The following COL6A6 variants were observed in gnomAD, a reference collection of about 807,000 sequenced individuals.
COL6A6 encodes collagen alpha-6(VI) chain.
In COL6A6, 183 loss-of-function variants were observed where a neutral mutation model predicts 208.6. The observed-to-expected ratio is 0.88, with a 90% CI of 0.78 to 0.99. The LOEUF is 0.99. Among genes scored for constraint, COL6A6 ranks in the 50% least tolerant of loss-of-function variants. COL6A6 has a pLI of 0.00. For missense variants in COL6A6, 2,816 were observed against 2,815.2 expected (o/e 1.00, Z -0.01); for synonymous variants, 973 against 1,011.8 (o/e 0.96, Z 0.73).
At chr3:130,665,268 G>A (rs192222999) in intron 36 of COL6A6, among the ~76,000 whole-genome samples, 172 bp downstream of exon 36, 7 of 151,892 alleles carry the variant, frequency 4.6e-5, no homozygotes, top group African/African-American at 7.2e-5. Flanking sequence ...TTTTTAAAAT[G>A]ACCATGCTGA....
chr3:130,532,432 C>A (rs932831458), intron 1 of COL6A6, among the ~76,000 whole-genome samples: 2 of 152,238 alleles, frequency 1.3e-5, no homozygotes, highest in Non-Finnish European at 2.9e-5. Context: ...AGGTCTACCC[C>A]TTGCGTCCCC....
intron 24 of COL6A6, among the ~76,000 whole-genome samples, chr3:130,622,653 C>G (rs772968547): frequency 1.5e-4 from 23 of 151,552 alleles, no homozygotes; most frequent in African/African-American, 5.6e-4. Context: ...GTCAGGAGAT[C>G]GAGACCATCC....
chr3:130,635,900 G>A (rs985457209), intron 28 of COL6A6, 139 bp downstream of exon 28: 45 of 638,668 alleles, frequency 7.0e-5, no homozygotes, highest in African/African-American at 1.5e-4. Context: ...CAAACTTGGG[G>A]AAGGGGAATG....
chr3:130,591,601 G>C (rs894097257), intron 13 of COL6A6, among the ~76,000 whole-genome samples: 1 of 152,118 alleles, frequency 6.6e-6, no homozygotes, highest in East Asian at 1.9e-4. Context: ...ACATATATGT[G>C]TGCCTGGCAG....
In COL6A6 at chr3:130,675,525, T is replaced by C. The variant is rs1432844321; in HGVS notation, c.*128T>C. 3 of 631,104 alleles carry C rather than the reference T, an allele frequency of 4.8e-6. No individual in the cohort carries two copies. The highest frequency in any genetic ancestry group is 2.5e-5 in the South Asian group (1 of 40,402). The allele number at this position is 631,104 out of a possible 1,614,324, so 39.1% of individuals were successfully genotyped here. A position where few individuals can be genotyped will look rare whatever the true frequency, so the allele number is the denominator to read the frequency against. On this transcript the variant is annotated 3_prime_UTR_variant, in exon 37 of 37. Transcript: ENST00000358511. The stretch of plus-strand genomic sequence containing the variant: ...CAGGTGACTTGACCCCCTGCATTCA[T>C]TGGTATTAAGATATATCTTGTTCAT...
At position 130,661,957 on chromosome 3, in the gene COL6A6, T is replaced by C. The variant is rs750230696; in HGVS notation, c.6151T>C (p.Ser2051Pro). The change falls in exon 35 of 37, where the codon TCA becomes CCA. Residue 2051 changes from serine (S) to proline (P), a missense_variant. Coordinates refer to ENST00000358511, the MANE Select transcript of COL6A6 (RefSeq NM_001102608.3). ...CCTCATGAAGAGGCATGTGCACGAG[T>C]CAGTTAAACAACTAAATGGAGATGC... Reference protein sequence around the residue: ...KRLMKRHVHESVKQLNGDAFI... With the variant: ...KRLMKRHVHEPVKQLNGDAFI... The C allele has an allele frequency of 6.8e-6, 11 of 1,613,838 alleles. No individual in the cohort carries two copies. The South Asian group carries it at 9.9e-5, about 14-fold the overall frequency.
At chr3:130,584,580 G>A (rs943352673) in intron 10 of COL6A6, among the ~76,000 whole-genome samples, 15 of 151,770 alleles carry the variant, frequency 9.9e-5, no homozygotes, top group Admixed American at 3.9e-4. Flanking sequence ...TTGGTGGTTC[G>A]TTTGTTCTTT....
At chr3:130,605,027 C>T (rs1021266216) in intron 20 of COL6A6, among the ~76,000 whole-genome samples, 1 of 152,180 alleles carries the variant, frequency 6.6e-6, no homozygotes, top group African/African-American at 2.4e-5. Context: ...TGCTACTTCC[C>T]TTTCTTCTCA....
chr3:130,670,870 A>AT (rs1222527068), intron 36 of COL6A6, among the ~76,000 whole-genome samples: 1 of 152,138 alleles, frequency 6.6e-6, no homozygotes, highest in Admixed American at 6.6e-5. Context: ...TTTTGGTGTG[A>AT]TTTTTTGTTT....
In COL6A6 at chr3:130,563,178, A is replaced by G. The variant is rs1274132209; in HGVS notation, c.175A>G (p.Ile59Val). 2.5e-6 allele frequency: 4 copies of G among 1,613,904 alleles called. No individual in the cohort carries two copies. Among genetic ancestry groups the G allele is most frequent in the East Asian group, 2.2e-5 (1 of 44,900 alleles). The change falls in exon 3 of 37, where the codon ATA becomes GTA. Residue 59 changes from isoleucine to valine, a missense_variant. By Grantham distance (29) the Ile-to-Val change is conservative (BLOSUM62 3). Transcript: ENST00000358511. ...FITKMISSLP[I>V]EADKYRVALA... is the part of the protein sequence containing the mutation. Reference sequence around the variant, plus strand: ...CACCAAAATGATCAGCAGTCTCCCCATAGAGGCCGACAAATACCGTGTGGC... The same window carrying G: ...CACCAAAATGATCAGCAGTCTCCCCGTAGAGGCCGACAAATACCGTGTGGC...
intron 6 of COL6A6, 44 bp downstream of exon 6, chr3:130,568,648 A>T (rs562252918): frequency 6.8e-7 from 1 of 1,472,438 alleles, no homozygotes; most frequent in African/African-American, 1.4e-5. Flanking sequence ...CGAACAACAG[A>T]TGTCTTTTTT....
intron 20 of COL6A6, among the ~76,000 whole-genome samples, chr3:130,604,944 A>G (rs899250231): frequency 2.0e-5 from 3 of 152,188 alleles, no homozygotes; most frequent in South Asian, 2.1e-4. Context: ...GGGTCTGACC[A>G]TGTACTTTTC....
At chr3:130,541,577 T>A (rs1479290974) in intron 1 of COL6A6, among the ~76,000 whole-genome samples, 1 of 152,218 alleles carries the variant, frequency 6.6e-6, no homozygotes, top group African/African-American at 2.4e-5. Flanking sequence ...GAGCAATGAA[T>A]CAGAGTTCAT....
intron 36 of COL6A6, among the ~76,000 whole-genome samples, chr3:130,670,703 T>C (rs2066191333): frequency 6.6e-6 from 1 of 152,198 alleles, no homozygotes; most frequent in Non-Finnish European, 1.5e-5. Flanking sequence ...CATTTATCTT[T>C]TGCCCACCTA....
Position 130,641,192 on chromosome 3 carries a change from G to T in COL6A6, c.5092-460G>T, listed in dbSNP as rs114517029. Among the ~76,000 whole-genome samples, 836 of 144,618 alleles carry T rather than the reference G, an allele frequency of 5.8e-3. 2 individuals carry two copies. The highest frequency in any genetic ancestry group is 9.4e-3 in the Non-Finnish European group (603 of 64,152). The allele number at this position is 144,618 out of a possible 152,430, so 94.9% of individuals were successfully genotyped here. Reference sequence around the variant, plus strand: ...CTGTTGCCTATTGCAGCAACAAACAGTAAGGGACTAACTAAATTATCTATT... The same window carrying T: ...CTGTTGCCTATTGCAGCAACAAACATTAAGGGACTAACTAAATTATCTATT... On this transcript the variant is annotated intron_variant, in intron 28 of 36. Coordinates refer to ENST00000358511, the MANE Select transcript of COL6A6 (RefSeq NM_001102608.3).
At chr3:130,568,708 T>C in intron 6 of COL6A6, 104 bp downstream of exon 6, 1 of 1,138,814 alleles carries the variant, frequency 8.8e-7, no homozygotes, top group Admixed American at 2.7e-5. Flanking sequence ...AAACTTTTGG[T>C]TTAATTGAAA....
At chr3:130,577,362 T>C (rs1403663484) in intron 8 of COL6A6, among the ~76,000 whole-genome samples, 1 of 152,226 alleles carries the variant, frequency 6.6e-6, no homozygotes, top group Non-Finnish European at 1.5e-5. Flanking sequence ...TAAGCTGTTT[T>C]CTTGATATAG....
chr3:130,649,287 A>T lies in COL6A6; in HGVS notation c.5458A>T (p.Lys1820Ter). 6.2e-7 allele frequency: 1 copy of T among 1,605,160 alleles called. No homozygotes were observed. The highest frequency in any genetic ancestry group is 8.5e-7 in the Non-Finnish European group (1 of 1,175,932). ...RHLVRFSDAY[K>*]KSQLLREIET... ...CCTTGTGCGCTTCTCAGACGCCTAC[A>T]AGAAGAGTCAACTTCTCAGAGAAAT... is the stretch of plus-strand genomic sequence containing the variant. The change falls in exon 33 of 37, where the codon AAG (lysine) becomes TAG (stop). Residue 1820 changes from lysine (K) to a stop codon, truncating the protein, a stop_gained. Transcript: ENST00000358511. LOFTEE classifies it high-confidence loss of function.
intron 36 of COL6A6, among the ~76,000 whole-genome samples, chr3:130,670,515 T>C (rs1255196682): frequency 1.3e-5 from 2 of 152,186 alleles, no homozygotes; most frequent in Non-Finnish European, 2.9e-5. Flanking sequence ...CACTTGCCAG[T>C]CAACCTCCCT....
Sources: gnomAD v4.1 joint callset for allele counts (sites outside exome capture counted in the v4.1 genomes callset) on GRCh38, gnomAD v4.1.1 for gene constraint, MANE v1.5 for transcripts, NCBI Gene and HGNC (gene_info 2026-07-23, HGNC 2026-07-21) for gene names.